DOCK1: variants seen among roughly 807,000 people sequenced by gnomAD.
DOCK1 encodes the protein dedicator of cytokinesis 1.
In DOCK1, 138 loss-of-function variants were observed where a neutral mutation model predicts 262.7. The observed-to-expected ratio is 0.53, with a 90% CI of 0.46 to 0.61. The LOEUF is 0.61. DOCK1 is among the 20% of genes least tolerant of loss of function. DOCK1 has a pLI of 0.00. For synonymous variants in DOCK1, 866 were observed against 867.4 expected, an observed-to-expected ratio of 1.00 and a Z score of 0.03; for missense variants, 1,908 against 2,370.7, an observed-to-expected ratio of 0.80 and a Z score of 4.05.
At chr10:127,396,744 A>G (rs1415132822) in intron 38 of DOCK1, among the ~76,000 whole-genome samples, 1 of 122,082 alleles carries the variant, frequency 8.2e-6, no homozygotes, top group Non-Finnish European at 1.7e-5. Context: ...AAAATGTCAT[A>G]TCTCTGTTAC....
rs530167584 is a variant in DOCK1 at position 127,372,951 on chromosome 10, G to A, written c.3433-830G>A. Among the ~76,000 whole-genome samples the A allele has an allele frequency of 1.5e-3, 222 of 152,260 alleles. 5 individuals are homozygous for A. Among genetic ancestry groups the A allele is most frequent in the South Asian group, 0.012 (57 of 4,810 alleles). On this transcript the variant is annotated intron_variant, in intron 33 of 51. Transcript: ENST00000623213. The stretch of plus-strand genomic sequence containing the variant: ...CTGCAGCATGGCTAGTCACCAGGCC[G>A]GAGTCCCAGTACTCAGATGGCTATG...
At chr10:127,224,589 G>A (rs1016753289) in intron 27 of DOCK1, among the ~76,000 whole-genome samples, 43 of 151,402 alleles carry the variant, frequency 2.8e-4, no homozygotes, top group Admixed American at 1.8e-3. Context: ...GTGTGGTAGT[G>A]CATGCCTGTA....
At chr10:127,032,457 G>GATGATTTATCAATGCATAGAAGGTGGC in intron 18 of DOCK1, 137 bp downstream of exon 18, 1 of 921,336 alleles carries the variant, frequency 1.1e-6, no homozygotes, top group Admixed American at 3.6e-5. Context: ...ATCGGGCTGT[G>GATGATTTATCAATGCATAGAAGGTGGC]ATGATTTATC....
chr10:126,961,932 C>A (rs1028428814), intron 1 of DOCK1, among the ~76,000 whole-genome samples: 1 of 152,214 alleles, frequency 6.6e-6, no homozygotes, highest in Admixed American at 6.5e-5. Flanking sequence ...TGGAGCCCAC[C>A]AGTAACTTGC....
chr10:127,260,870 C>CGT lies in DOCK1; in HGVS notation c.3044+3441_3044+3442insGT, dbSNP rs747816716. On this transcript the variant is annotated intron_variant, in intron 29 of 51. Transcript: ENST00000623213. ...GTACCCGTGCTCATCTGTGTGTGTG[C>CGT]ATGTGTGTGTGTGTGTACCCGTGCT... Among the ~76,000 whole-genome samples, 43 of 56,402 alleles carry CGT rather than the reference C, an allele frequency of 7.6e-4. 1 individual carries two copies. The highest frequency in any genetic ancestry group is 2.2e-3 in the African/African-American group (29 of 12,954). 37.0% of individuals were successfully genotyped at this position (56,402 alleles called of 152,430 possible).
intron 27 of DOCK1, among the ~76,000 whole-genome samples, chr10:127,149,600 C>T (rs918010154): frequency 1.2e-4 from 18 of 152,126 alleles, no homozygotes; most frequent in African/African-American, 3.4e-4. Context: ...CTATGCTGCT[C>T]GGAGAGGGTA....
intron 27 of DOCK1, among the ~76,000 whole-genome samples, chr10:127,213,191 A>G (rs2058057519): frequency 1.3e-5 from 2 of 152,234 alleles, no homozygotes; most frequent in Non-Finnish European, 2.9e-5. Context: ...TGGGAAGGGA[A>G]GAGAGAGAAA....
intron 23 of DOCK1, among the ~76,000 whole-genome samples, chr10:127,063,585 T>C (rs1463354619): frequency 2.6e-5 from 4 of 152,226 alleles, no homozygotes; most frequent in Non-Finnish European, 5.9e-5. Context: ...TGCCCAAAGC[T>C]GTCTTATTGT....
chr10:127,160,538 T>G (rs1284213844), intron 27 of DOCK1, among the ~76,000 whole-genome samples: 2 of 152,176 alleles, frequency 1.3e-5, no homozygotes, highest in East Asian at 3.9e-4. Flanking sequence ...CCTTGTTAAT[T>G]TTCAGCCAGT....
At chr10:126,917,308 C>G (rs7394081) in intron 1 of DOCK1, among the ~76,000 whole-genome samples, 34,635 of 152,110 alleles carry the variant, frequency 0.23, 4,711 homozygotes, top group African/African-American at 0.38. Context: ...GTGGGTATTT[C>G]GGGCTTGTGG....
intron 46 of DOCK1, 140 bp from the exon 47 acceptor site, chr10:127,425,734 C>A: frequency 7.7e-7 from 1 of 1,290,770 alleles, no homozygotes; most frequent in Non-Finnish European, 1.1e-6. Context: ...TGGTAATATG[C>A]CTGCTGGTAA....
At chr10:127,374,478 C>G (rs2065376068) in intron 35 of DOCK1, among the ~76,000 whole-genome samples, 1 of 152,138 alleles carries the variant, frequency 6.6e-6, no homozygotes, top group Non-Finnish European at 1.5e-5. Context: ...ATCTTGCAGC[C>G]AGGGTAGTGC....
intron 27 of DOCK1, among the ~76,000 whole-genome samples, chr10:127,236,651 A>G (rs1330311148): frequency 6.6e-6 from 1 of 151,594 alleles, no homozygotes; most frequent in African/African-American, 2.4e-5. Flanking sequence ...CTTCCATTCC[A>G]TGAATATGGT....
At chr10:127,258,967 TGGGGC>T (rs1047216035) in intron 29 of DOCK1, among the ~76,000 whole-genome samples, 4 of 152,116 alleles carry the variant, frequency 2.6e-5, no homozygotes, top group African/African-American at 9.7e-5. Context: ...TTCTGCTTTC[TGGGGC>T]AGCAGAGACA....
At chr10:127,147,010 C>T (rs1044095276) in intron 27 of DOCK1, among the ~76,000 whole-genome samples, 7 of 152,190 alleles carry the variant, frequency 4.6e-5, no homozygotes, top group African/African-American at 9.7e-5. Flanking sequence ...ACTCTTTGCA[C>T]CCTCTGTTTT....
chr10:126,907,696 A>G (rs1160396007), intron 1 of DOCK1, among the ~76,000 whole-genome samples: 1 of 151,994 alleles, frequency 6.6e-6, no homozygotes, highest in African/African-American at 2.4e-5. Context: ...GACTGAAAAG[A>G]ATGTTCGTAG....
At chr10:127,283,693 G>A (rs558706496) in intron 29 of DOCK1, among the ~76,000 whole-genome samples, 2 of 152,184 alleles carry the variant, frequency 1.3e-5, no homozygotes, top group African/African-American at 4.8e-5. Flanking sequence ...ATTTTTCCAT[G>A]TTACTCCAGC....
chr10:127,297,446 C>A (rs2135408154), intron 29 of DOCK1, among the ~76,000 whole-genome samples: 1 of 151,866 alleles, frequency 6.6e-6, no homozygotes, highest in South Asian at 2.1e-4. Context: ...GTCATGGGGA[C>A]CATCTTGATG....
intron 27 of DOCK1, among the ~76,000 whole-genome samples, chr10:127,188,421 AT>A (rs1462288305): frequency 1.3e-5 from 2 of 152,154 alleles, no homozygotes; most frequent in Non-Finnish European, 2.9e-5. Context: ...GACGCAAAAC[AT>A]TTAGAATTCT....
Sources: gnomAD v4.1 joint callset for allele counts (sites outside exome capture counted in the v4.1 genomes callset) on GRCh38, gnomAD v4.1.1 for gene constraint, MANE v1.5 for transcripts, NCBI Gene and HGNC (gene_info 2026-07-23, HGNC 2026-07-21) for gene names.